LGSN: variants seen among roughly 807,000 people sequenced by gnomAD.
The protein encoded by LGSN is lengsin.
In LGSN, 21 loss-of-function variants were observed where a neutral mutation model predicts 19.5. The observed-to-expected ratio is 1.07, with a 90% CI of 0.76 to 1.55. The LOEUF is 1.55. Among genes scored for constraint, LGSN ranks in the 40% most tolerant of loss-of-function variants. The probability of loss-of-function intolerance (pLI) is 0.00; values close to 1 mark genes in which losing one functional copy is unlikely to be tolerated. For missense variants in LGSN, 673 were observed against 608.5 expected, an observed-to-expected ratio of 1.11 and a Z score of -1.12; for synonymous variants, 257 against 215.6, an observed-to-expected ratio of 1.19 and a Z score of -1.68.
chr6:63,313,444 GAAGTA>G (rs1768710798), intron 1 of LGSN, among the ~76,000 whole-genome samples: 1 of 152,184 alleles, frequency 6.6e-6, no homozygotes, highest in Non-Finnish European at 1.5e-5. Flanking sequence ...TCAAAAGTAT[GAAGTA>G]AAGAAGACAG....
At chr6:63,284,283 T>C (rs1767441020) in intron 3 of LGSN, among the ~76,000 whole-genome samples, 1 of 151,454 alleles carries the variant, frequency 6.6e-6, no homozygotes, top group Non-Finnish European at 1.5e-5. Flanking sequence ...TACATTAAAA[T>C]TCTCATGATA....
At chr6:63,485,898 T>C in the LGSN span, among the ~76,000 whole-genome samples, 1 of 151,966 alleles carries the variant, frequency 6.6e-6, no homozygotes, top group Non-Finnish European at 1.5e-5. Flanking sequence ...CCAGCTAATT[T>C]TTTGTATTTT....
the LGSN span, among the ~76,000 whole-genome samples, chr6:63,338,957 C>T: frequency 6.6e-6 from 1 of 152,060 alleles, no homozygotes; most frequent in Non-Finnish European, 1.5e-5. Flanking sequence ...TGTTTAATTT[C>T]CATATATTTG....
At chr6:63,427,780 T>C in the LGSN span, among the ~76,000 whole-genome samples, 1 of 152,186 alleles carries the variant, frequency 6.6e-6, no homozygotes, top group African/African-American at 2.4e-5. Flanking sequence ...ATTATCATAA[T>C]CAAATTACCA....
the LGSN span, among the ~76,000 whole-genome samples, chr6:63,449,406 G>A: frequency 3.6e-3 from 545 of 151,986 alleles, 2 homozygotes; most frequent in African/African-American, 0.013. Flanking sequence ...CTAGCCGGGC[G>A]TGGTGGTGGG....
At chr6:63,335,157 A>T in the LGSN span, among the ~76,000 whole-genome samples, 1 of 151,572 alleles carries the variant, frequency 6.6e-6, no homozygotes, top group African/African-American at 2.4e-5. Context: ...AAAAAAAAAA[A>T]AAAATACATT....
the LGSN span, among the ~76,000 whole-genome samples, chr6:63,329,108 G>A: frequency 5.3e-5 from 8 of 152,302 alleles, no homozygotes; most frequent in African/African-American, 1.2e-4. Context: ...CTGCTGGCAC[G>A]AGGCTTCTGA....
At chr6:63,496,383 T>A in the LGSN span, among the ~76,000 whole-genome samples, 81,527 of 152,108 alleles carry the variant, frequency 0.54, 23,676 homozygotes, top group African/African-American at 0.77. Flanking sequence ...GACACACACA[T>A]AATAAGTGCT....
the LGSN span, chr6:63,571,790 G>C: frequency 1.5e-3 from 229 of 152,254 alleles, no homozygotes; most frequent in African/African-American, 5.0e-3. Flanking sequence ...ATAGGGCTTC[G>C]TCTGCATCAA....
At chr6:63,318,461 T>C (rs1392755549) in intron 1 of LGSN, among the ~76,000 whole-genome samples, 1 of 152,192 alleles carries the variant, frequency 6.6e-6, no homozygotes, top group Non-Finnish European at 1.5e-5. Context: ...AATGCGAACC[T>C]ATACAGGAGA....
rs371753952 is a variant in LGSN, at chr6:63,280,139, C to T, written c.1412G>A (p.Cys471Tyr). ...GGTTTCTCCTAGAGCCTGTCTCAGG[C>T]ATTGATCTTCTTCCAGTGCCACAAG... ...DALVALEEDQ[C>Y]LRQALGETFI... The change falls in exon 4 of 4, where the codon TGC becomes TAC. Residue 471 changes from cysteine to tyrosine, a missense_variant. Physicochemically the swap from Cys to Tyr is radical, Grantham distance 194 (BLOSUM62 -2). Coordinates refer to ENST00000370657, the MANE Select transcript of LGSN (RefSeq NM_016571.3). The T allele has an allele frequency of 6.2e-6, 10 of 1,614,232 alleles. No individual in the cohort carries two copies. The South Asian group carries it at 6.6e-5, about 11-fold the overall frequency.
At chr6:63,487,796 T>A in the LGSN span, among the ~76,000 whole-genome samples, 1 of 152,064 alleles carries the variant, frequency 6.6e-6, no homozygotes, top group East Asian at 1.9e-4. Context: ...GCCTGGCCAA[T>A]GTGGTGAAAC....
the LGSN span, among the ~76,000 whole-genome samples, chr6:63,515,744 A>G: frequency 2.0e-5 from 3 of 152,210 alleles, no homozygotes; most frequent in South Asian, 6.2e-4. Flanking sequence ...AAGAGAGAAG[A>G]ATCTAAACAA....
At chr6:63,344,809 A>T in the LGSN span, among the ~76,000 whole-genome samples, 5 of 152,346 alleles carry the variant, frequency 3.3e-5, no homozygotes, top group African/African-American at 1.2e-4. Context: ...GTACAGAAAA[A>T]AATACTCATA....
the LGSN span, among the ~76,000 whole-genome samples, chr6:63,412,549 A>G: frequency 3.4e-4 from 46 of 135,912 alleles, no homozygotes; most frequent in South Asian, 2.3e-3. Context: ...AAAGAAAGAA[A>G]GAAAGAAAGA....
the LGSN span, among the ~76,000 whole-genome samples, chr6:63,506,231 C>CTTA: frequency 9.1e-6 from 1 of 109,658 alleles, no homozygotes; most frequent in Non-Finnish European, 1.9e-5. Context: ...ATAAGTTCTT[C>CTTA]TTGTTGTTGT....
chr6:63,455,804 G>A, the LGSN span, among the ~76,000 whole-genome samples: 2 of 152,264 alleles, frequency 1.3e-5, no homozygotes, highest in African/African-American at 4.8e-5. Flanking sequence ...CAGAGGCACA[G>A]TGGCTCAGGA....
the LGSN span, among the ~76,000 whole-genome samples, chr6:63,557,323 T>C: frequency 6.6e-6 from 1 of 152,182 alleles, no homozygotes; most frequent in Non-Finnish European, 1.5e-5. Context: ...CCCAGAACTT[T>C]GGGAGGCCAA....
chr6:63,542,571 A>T, the LGSN span, among the ~76,000 whole-genome samples: 1 of 151,968 alleles, frequency 6.6e-6, no homozygotes, highest in South Asian at 2.1e-4. Context: ...ATCTCTCTTC[A>T]GTTCAGTTTT....
Sources: gnomAD v4.1 joint callset for allele counts (sites outside exome capture counted in the v4.1 genomes callset) on GRCh38, gnomAD v4.1.1 for gene constraint, MANE v1.5 for transcripts, NCBI Gene and HGNC (gene_info 2026-07-23, HGNC 2026-07-21) for gene names.